Variants in GGT5 observed in about 807,000 individuals in gnomAD.
The protein encoded by GGT5 is glutathione hydrolase 5 proenzyme.
A neutral mutation model predicts 58.1 loss-of-function variants in GGT5; 50 were observed. The ratio of observed to expected loss-of-function variants is 0.86; its 90% CI spans 0.69 to 1.09. The LOEUF (loss-of-function observed/expected upper bound fraction) is 1.09, where lower values mean the gene tolerates loss of function less well. Ranked by LOEUF, GGT5 falls within the 50% of genes least tolerant of loss-of-function variation. GGT5 has a pLI of 0.00. For missense variants in GGT5, 800 were observed against 789.4 expected (o/e 1.01, Z -0.16); for synonymous variants, 370 against 346.1 (o/e 1.07, Z -0.77).
chr22:24,226,267 C>T lies in GGT5; in HGVS notation c.1039-1G>A. 1 of 1,593,152 alleles carries T rather than the reference C, an allele frequency of 6.3e-7. No individual in the cohort carries two copies. Among genetic ancestry groups the T allele is most frequent in the Non-Finnish European group, 8.5e-7 (1 of 1,172,298 alleles). ...CCCCCAGCAGGTCCCGGGAGGCATTCTGGGGTGGGTGGGCAGGTGGCAGGG... is the reference window on the plus strand; with the variant it reads ...CCCCCAGCAGGTCCCGGGAGGCATTTTGGGGTGGGTGGGCAGGTGGCAGGG... On this transcript the variant is annotated splice_acceptor_variant, in intron 7 of 11. Coordinates refer to ENST00000327365, the MANE Select transcript of GGT5 (RefSeq NM_004121.5). LOFTEE classifies it high-confidence loss of function.
rs561201216 is a variant in GGT5 at position 24,223,006 on chromosome 22, C to T, written c.1614+1990G>A. Among the ~76,000 whole-genome samples the T allele has an allele frequency of 2.1e-4, 32 of 152,066 alleles. No homozygotes were observed. In the East Asian group the frequency reaches 3.9e-3, roughly 18 times the overall value. ...GCGGGAGGATGAGGCAGGGGAATGG[C>T]GTGAACTCGGGAGGCAGAGCTTGCA... On this transcript the variant is annotated intron_variant, in intron 11 of 11. Coordinates refer to ENST00000327365, the MANE Select transcript of GGT5 (RefSeq NM_004121.5).
intron 4 of GGT5, 130 bp from the exon 5 acceptor site, chr22:24,232,338 G>A (rs1163618795): frequency 3.5e-6 from 2 of 568,496 alleles, no homozygotes; most frequent in African/African-American, 1.9e-5. Context: ...CCGAGGCACT[G>A]GGGTGGACAC....
At position 24,231,346 on chromosome 22, in the gene GGT5, GAGGGGGTGGGCGCCAGGGCTCTGGGC is replaced by G. The variant is rs2047932447; in HGVS notation, c.901+12_901+37del. 1.5e-5 allele frequency: 22 copies of G among 1,433,930 alleles called. No individual in the cohort carries two copies. Among genetic ancestry groups the G allele is most frequent in the Non-Finnish European group, 2.1e-5 (22 of 1,052,680 alleles). The allele number at this position is 1,433,930 out of a possible 1,614,324, so 88.8% of individuals were successfully genotyped here. A position where few individuals can be genotyped will look rare whatever the true frequency, so the allele number is the denominator to read the frequency against. ...GTTCCCGGGGGCCGGGGGTGCGGGG[GAGGGGGTGGGCGCCAGGGCTCTGGGC>G]AGGGGCTTTACCTCTTAGCACGTTG... On this transcript the variant is annotated intron_variant, in intron 6 of 11. Transcript: ENST00000327365.
chr22:24,236,950 G>A (rs557968497), intron 1 of GGT5, among the ~76,000 whole-genome samples: 1 of 151,798 alleles, frequency 6.6e-6, no homozygotes, highest in Non-Finnish European at 1.5e-5. Context: ...CAAGGTGACG[G>A]CCAATCCTGA....
At chr22:24,235,894 A>G (rs1430951831) in intron 1 of GGT5, among the ~76,000 whole-genome samples, 10 of 152,042 alleles carry the variant, frequency 6.6e-5, no homozygotes, top group Non-Finnish European at 1.5e-4. Flanking sequence ...AGGTCCCTGC[A>G]CCCACCTCGC....
In GGT5 at chr22:24,219,764, G is replaced by C. The variant is rs2047534702; in HGVS notation, c.*206C>G. 1 of 582,348 alleles carries C rather than the reference G, an allele frequency of 1.7e-6. No individual in the cohort carries two copies. Among genetic ancestry groups the C allele is most frequent in the Admixed American group, 3.0e-5 (1 of 32,814 alleles). The allele number at this position is 582,348 out of a possible 1,614,324, so 36.1% of individuals were successfully genotyped here. A position where few individuals can be genotyped will look rare whatever the true frequency, so the allele number is the denominator to read the frequency against. ...CGGAGGGATAGAGGGGCCGGTTCAG[G>C]ACCACCAGGGGCTCTGGGAAAGGGG... On this transcript the variant is annotated 3_prime_UTR_variant, in exon 12 of 12. Transcript: ENST00000327365.
At chr22:24,240,925 A>C (rs754152711) in intron 1 of GGT5, among the ~76,000 whole-genome samples, 5 of 152,222 alleles carry the variant, frequency 3.3e-5, no homozygotes, top group Non-Finnish European at 7.3e-5. Flanking sequence ...TGGGAGGCCA[A>C]AGCGGGCAGA....
Position 24,233,572 on chromosome 22 carries a change from G to C in GGT5, c.326C>G (p.Ala109Gly), listed in dbSNP as rs2048013927. ...GTGGCTGGCCGGCACCGTCTCCCGG[G>C]CATTGATGACCTCCACCTTCCCTGG... is the stretch of plus-strand genomic sequence containing the variant. The part of the protein sequence containing the change: ...VTTGKVEVIN[A>G]RETVPASHAP... The change falls in exon 3 of 12, where the codon GCC (alanine) becomes GGC (glycine). Residue 109 changes from alanine (A) to glycine (G), a missense_variant. Coordinates refer to ENST00000327365, the MANE Select transcript of GGT5 (RefSeq NM_004121.5). 27 of 1,608,472 alleles carry C rather than the reference G, an allele frequency of 1.7e-5. No homozygotes were observed. Among genetic ancestry groups the C allele is most frequent in the Non-Finnish European group, 2.2e-5 (26 of 1,178,370 alleles).
chr22:24,240,884 G>A (rs150358732), intron 1 of GGT5, among the ~76,000 whole-genome samples: 1 of 152,306 alleles, frequency 6.6e-6, no homozygotes, highest in East Asian at 1.9e-4. Context: ...GGAGACGGGT[G>A]CAGTAGTTCA....
intron 11 of GGT5, 62 bp downstream of exon 11, chr22:24,224,934 G>A (rs2047703310): frequency 8.9e-7 from 1 of 1,124,534 alleles, no homozygotes; most frequent in Middle Eastern, 2.4e-4. Context: ...AGGTGGCTTT[G>A]AGCAGCACGG....
chr22:24,222,115 G>C (rs1330312101), intron 11 of GGT5, among the ~76,000 whole-genome samples: 2 of 152,038 alleles, frequency 1.3e-5, no homozygotes, highest in Non-Finnish European at 2.9e-5. Flanking sequence ...GGAGGTGGAG[G>C]TTGCAATAAG....
chr22:24,220,371 T>C (rs2047554253), intron 11 of GGT5: 1 of 608,282 alleles, frequency 1.6e-6, no homozygotes, highest in Admixed American at 2.2e-5. Context: ...TGCAAGTTCA[T>C]GTCTGTTCTG....
intron 9 of GGT5, 34 bp downstream of exon 9, chr22:24,225,512 C>T: frequency 6.3e-7 from 1 of 1,577,592 alleles, no homozygotes; most frequent in Non-Finnish European, 8.7e-7. Flanking sequence ...GTGGGGGGCC[C>T]TTGTGGACCC....
Position 24,225,551 on chromosome 22 carries a change from G to A in GGT5, c.1331C>T (p.Ser444Leu), listed in dbSNP as rs1450719568. The A allele has an allele frequency of 2.5e-6, 4 of 1,607,946 alleles. No homozygotes were observed. In the East Asian group the frequency reaches 8.9e-5, roughly 36 times the overall value. The change falls in exon 9 of 12, where the codon TCA (serine) becomes TTA (leucine). Residue 444 changes from serine (S) to leucine (L), a missense_variant. By Grantham distance (145) the Ser-to-Leu change is moderately radical. Coordinates refer to ENST00000327365, the MANE Select transcript of GGT5 (RefSeq NM_004121.5). ...GTGGGAAGCTTTGTTCTCACCAGGT[G>A]AGGGGGTGGTGCCGGAACCCCGGGG... ...RCPRGSGTTP[S>L]PVSGDRVGGA...
chr22:24,221,176 G>C (rs940014049), intron 11 of GGT5, among the ~76,000 whole-genome samples: 1 of 152,180 alleles, frequency 6.6e-6, no homozygotes, highest in African/African-American at 2.4e-5. Context: ...GAGAAACTTA[G>C]TTTATAGTTT....
chr22:24,233,075 C>A, intron 3 of GGT5, 57 bp from the exon 4 acceptor site: 1 of 1,321,978 alleles, frequency 7.6e-7, no homozygotes, highest in South Asian at 1.6e-5. Flanking sequence ...CCAGGTTTGC[C>A]ATCACCCCTA....
chr22:24,225,352 G>T lies in GGT5; in HGVS notation c.1396C>A (p.Arg466Ser). 12 of 1,612,958 alleles carry T rather than the reference G, an allele frequency of 7.4e-6. No homozygotes were observed. The highest frequency in any genetic ancestry group is 1.3e-5 in the African/African-American group (1 of 75,020). The change falls in exon 10 of 12, where the codon CGT (arginine) becomes AGT (serine). Residue 466 changes from arginine to serine, a missense_variant. Coordinates refer to ENST00000327365, the MANE Select transcript of GGT5 (RefSeq NM_004121.5). ...GAGGGCACCATGGAGGATGGGGAAC[G>T]CTCGCCTGGAACTGGGGGCCAGCAC... ...GRCWPPVPGE[R>S]SPSSMVPSIL...
At position 24,219,992 on chromosome 22, in the gene GGT5, C is replaced by T. The variant is rs750421724; in HGVS notation, c.1739G>A (p.Ser580Asn). 3.1e-6 allele frequency: 5 copies of T among 1,614,166 alleles called. No homozygotes were observed. In the African/African-American group the frequency reaches 4.0e-5, roughly 13 times the overall value. ...CVYAVSDLRK[S>N]GEAAGY is the part of the protein sequence containing the mutation. ...GTCTTAGTAGCCTGCGGCCTCCCCACTCTTCCTCAGGTCCGAGACGGCGTA... is the reference window on the plus strand; with the variant it reads ...GTCTTAGTAGCCTGCGGCCTCCCCATTCTTCCTCAGGTCCGAGACGGCGTA... Residue 580 changes from serine (S) to asparagine (N), a missense_variant, in exon 12 of 12, where the codon AGT (serine) becomes AAT (asparagine). Transcript: ENST00000327365.
At chr22:24,224,964 C>T in intron 11 of GGT5, 32 bp downstream of exon 11, 1 of 1,404,316 alleles carries the variant, frequency 7.1e-7, no homozygotes, top group Non-Finnish European at 9.9e-7. Flanking sequence ...GTGGGCTCTG[C>T]CCTAGGCATC....
Sources: gnomAD v4.1 joint callset for allele counts (sites outside exome capture counted in the v4.1 genomes callset) on GRCh38, gnomAD v4.1.1 for gene constraint, MANE v1.5 for transcripts, NCBI Gene and HGNC (gene_info 2026-07-23, HGNC 2026-07-21) for gene names.